CTTNBP2NL: variants seen among roughly 807,000 people sequenced by gnomAD.
CTTNBP2NL encodes the protein CTTNBP2 N-terminal like.
Under a neutral mutation model 32.5 loss-of-function variants are expected in CTTNBP2NL, and 16 were observed. That is an observed-to-expected ratio of 0.49 (90% CI 0.33 to 0.75). CTTNBP2NL has a LOEUF of 0.75. Among genes scored for constraint, CTTNBP2NL ranks in the 30% least tolerant of loss-of-function variants. CTTNBP2NL has a pLI of 0.02. For synonymous variants in CTTNBP2NL, 298 were observed against 289.4 expected (o/e 1.03, Z -0.30); for missense variants, 645 against 756.0 (o/e 0.85, Z 1.72).
intron 3 of CTTNBP2NL, among the ~76,000 whole-genome samples, chr1:112,424,760 GTTTC>G (rs1649340071): frequency 1.3e-5 from 2 of 152,088 alleles, no homozygotes; most frequent in African/African-American, 2.4e-5. Context: ...TACCCTAAGT[GTTTC>G]ACACTTTTGA....
upstream of CTTNBP2NL, among the ~76,000 whole-genome samples, chr1:112,391,869 T>A (rs1339924661): frequency 6.6e-6 from 1 of 152,100 alleles, no homozygotes; most frequent in African/African-American, 2.4e-5. Context: ...TGCGCGCCTG[T>A]AATCCCAGCT....
At chr1:112,439,687 A>G (rs564808851) in intron 3 of CTTNBP2NL, among the ~76,000 whole-genome samples, 5 of 152,300 alleles carry the variant, frequency 3.3e-5, no homozygotes, top group Admixed American at 3.3e-4. Flanking sequence ...ACACAGCTAT[A>G]GTCTGTAGGC....
chr1:112,459,680 G>A lies in CTTNBP2NL; in HGVS notation c.*2268G>A, dbSNP rs1419219432. 2 of 152,208 alleles carry A rather than the reference G, an allele frequency of 1.3e-5. No individual in the cohort carries two copies. The highest frequency in any genetic ancestry group is 2.4e-5 in the African/African-American group (1 of 41,452). The allele number at this position is 152,208 out of a possible 1,614,324, so 9.4% of individuals were successfully genotyped here. A position where few individuals can be genotyped will look rare whatever the true frequency, so the allele number is the denominator to read the frequency against. The stretch of plus-strand genomic sequence containing the variant: ...CTTTATTCCTATGCAGAGCCAAAAC[G>A]AATAGTGTTGATAAAATAGCTAAAC... On this transcript the variant is annotated 3_prime_UTR_variant, in exon 6 of 6. Transcript: ENST00000271277.
chr1:112,451,522 A>G (rs909123371), intron 4 of CTTNBP2NL, among the ~76,000 whole-genome samples: 8 of 151,570 alleles, frequency 5.3e-5, no homozygotes, highest in Non-Finnish European at 1.0e-4. Context: ...CTGTAATCCC[A>G]GCACTTTGGG....
chr1:112,421,718 ATCT>A (rs1294754804), intron 3 of CTTNBP2NL, among the ~76,000 whole-genome samples: 1 of 152,018 alleles, frequency 6.6e-6, no homozygotes, highest in Non-Finnish European at 1.5e-5. Flanking sequence ...CTTGGACATT[ATCT>A]TGTTTTTCTT....
At chr1:112,409,127 CAAAAAAA>C (rs36002206) in intron 1 of CTTNBP2NL, among the ~76,000 whole-genome samples, 1 of 80,254 alleles carries the variant, frequency 1.2e-5, no homozygotes, top group Non-Finnish European at 2.5e-5. Flanking sequence ...GACTCTGTCT[CAAAAAAA>C]AAAAAAAAAA....
chr1:112,397,917 T>G (rs1409391322), intron 1 of CTTNBP2NL, among the ~76,000 whole-genome samples: 1 of 152,196 alleles, frequency 6.6e-6, no homozygotes, highest in Non-Finnish European at 1.5e-5. Flanking sequence ...TTTGAATAGT[T>G]AGGTTTGAAG....
chr1:112,405,908 G>A (rs200089000), intron 1 of CTTNBP2NL, among the ~76,000 whole-genome samples: 12 of 152,128 alleles, frequency 7.9e-5, no homozygotes, highest in Admixed American at 2.0e-4. Flanking sequence ...GTATGCGGCC[G>A]GGCGCAGTGG....
At position 112,449,026 on chromosome 1, in the gene CTTNBP2NL, G is replaced by C. The variant is rs1570744084; in HGVS notation, c.184G>C (p.Glu62Gln). ...TTTAATGGCTCTACAGAGAGATTTT[G>C]AAACACTGAAGGAGAAAAATGATGG... ...DPLMALQRDF[E>Q]TLKEKNDGEK... Residue 62 changes from glutamate (E) to glutamine (Q), a missense_variant, in exon 4 of 6, where the codon GAA becomes CAA. Glu to Gln is a conservative substitution (Grantham distance 29). Transcript: ENST00000271277. The C allele has an allele frequency of 1.9e-6, 3 of 1,612,814 alleles. No homozygotes were observed. Among genetic ancestry groups the C allele is most frequent in the Non-Finnish European group, 2.5e-6 (3 of 1,178,826 alleles).
intron 2 of CTTNBP2NL, among the ~76,000 whole-genome samples, chr1:112,415,603 C>CT (rs1649034114): frequency 6.7e-6 from 1 of 149,608 alleles, no homozygotes; most frequent in Non-Finnish European, 1.5e-5. Flanking sequence ...GTCGCCCAGG[C>CT]TGGAGTACAG....
At chr1:112,439,180 G>T (rs185613656) in intron 3 of CTTNBP2NL, among the ~76,000 whole-genome samples, 63 of 151,714 alleles carry the variant, frequency 4.2e-4, no homozygotes, top group Non-Finnish European at 1.6e-4. Flanking sequence ...CTGTTTGCCT[G>T]CCCTGGCATC....
rs1650514959 is a variant in CTTNBP2NL at position 112,460,356 on chromosome 1, G to T, written c.*2944G>T. On this transcript the variant is annotated 3_prime_UTR_variant, in exon 6 of 6. Coordinates refer to ENST00000271277, the MANE Select transcript of CTTNBP2NL (RefSeq NM_018704.3). ...CTGTGGCTTTGACAAAACAAATGAA[G>T]TCAATGACCCATCCAGGTTAGACTC... 1 of 152,102 alleles carries T rather than the reference G, an allele frequency of 6.6e-6. No homozygotes were observed. The highest frequency in any genetic ancestry group is 1.5e-5 in the Non-Finnish European group (1 of 68,022). The allele number at this position is 152,102 out of a possible 1,614,324, so 9.4% of individuals were successfully genotyped here. A position where few individuals can be genotyped will look rare whatever the true frequency, so the allele number is the denominator to read the frequency against.
At position 112,456,785 on chromosome 1, in the gene CTTNBP2NL, G is replaced by T; in HGVS notation, c.1293G>T (p.Pro431=). 3 of 1,614,026 alleles carry T rather than the reference G, an allele frequency of 1.9e-6. No homozygotes were observed. The highest frequency in any genetic ancestry group is 2.5e-6 in the Non-Finnish European group (3 of 1,180,016). The part of the protein sequence containing the change: ...SSLTSSPCSS[P]VLTKRLLGSS... ...TAACATCCTCTCCTTGCTCTTCGCCGGTACTCACTAAGCGTTTATTGGGGT... is the reference window on the plus strand; with the variant it reads ...TAACATCCTCTCCTTGCTCTTCGCCTGTACTCACTAAGCGTTTATTGGGGT... The change falls in exon 6 of 6, where the codon CCG becomes CCT. Residue 431 remains proline (P), a synonymous_variant. Coordinates refer to ENST00000271277, the MANE Select transcript of CTTNBP2NL (RefSeq NM_018704.3).
chr1:112,408,998 C>T (rs993317705), intron 1 of CTTNBP2NL, among the ~76,000 whole-genome samples: 5 of 152,128 alleles, frequency 3.3e-5, no homozygotes, highest in African/African-American at 4.8e-5. Context: ...CGTGGTAGCA[C>T]GCACCTGTAG....
chr1:112,421,296 C>T (rs1401012989), intron 3 of CTTNBP2NL, among the ~76,000 whole-genome samples: 1 of 119,578 alleles, frequency 8.4e-6, no homozygotes, highest in African/African-American at 2.8e-5. Flanking sequence ...CATAATGAGA[C>T]CCCCATTTCT....
Position 112,459,811 on chromosome 1 carries a change from A to T in CTTNBP2NL, c.*2399A>T, listed in dbSNP as rs978993705. Reference sequence around the variant, plus strand: ...GTGCTCTTCCTTTGTTTTGGGATAGATATATATAGAGAGAGATACTATAAG... The same window carrying T: ...GTGCTCTTCCTTTGTTTTGGGATAGTTATATATAGAGAGAGATACTATAAG... On this transcript the variant is annotated 3_prime_UTR_variant, in exon 6 of 6. Coordinates refer to ENST00000271277, the MANE Select transcript of CTTNBP2NL (RefSeq NM_018704.3). The T allele has an allele frequency of 3.9e-5, 6 of 152,196 alleles. No individual in the cohort carries two copies. Among genetic ancestry groups the T allele is most frequent in the African/African-American group, 1.4e-4 (6 of 41,446 alleles). 9.4% of individuals were successfully genotyped at this position (152,196 alleles called of 1,614,324 possible).
At position 112,457,632 on chromosome 1, in the gene CTTNBP2NL, A is replaced by C. The variant is rs1650411415; in HGVS notation, c.*220A>C. On this transcript the variant is annotated 3_prime_UTR_variant, in exon 6 of 6. Coordinates refer to ENST00000271277, the MANE Select transcript of CTTNBP2NL (RefSeq NM_018704.3). ...TTTACTGAAGCCAGAAAGGCACCTC[A>C]AAGATGTCTCAAGCTCAGCAGTCAC... is the stretch of plus-strand genomic sequence containing the variant. 1 of 490,634 alleles carries C rather than the reference A, an allele frequency of 2.0e-6. No homozygotes were observed. Among genetic ancestry groups the C allele is most frequent in the Non-Finnish European group, 3.6e-6 (1 of 280,112 alleles). The allele number at this position is 490,634 out of a possible 1,614,324, so 30.4% of individuals were successfully genotyped here.
intron 2 of CTTNBP2NL, among the ~76,000 whole-genome samples, chr1:112,414,194 C>T (rs1031654967): frequency 3.9e-5 from 6 of 152,146 alleles, no homozygotes; most frequent in African/African-American, 9.6e-5. Flanking sequence ...GGTGAAACCC[C>T]GTCTCTACTA....
chr1:112,434,370 C>T (rs980632777), intron 3 of CTTNBP2NL, among the ~76,000 whole-genome samples: 1 of 152,170 alleles, frequency 6.6e-6, no homozygotes, highest in African/African-American at 2.4e-5. Flanking sequence ...ATCCACTCAC[C>T]CAACCTAAAT....
Sources: gnomAD v4.1 joint callset for allele counts (sites outside exome capture counted in the v4.1 genomes callset) on GRCh38, gnomAD v4.1.1 for gene constraint, MANE v1.5 for transcripts, NCBI Gene and HGNC (gene_info 2026-07-23, HGNC 2026-07-21) for gene names.